Variants in MYT1L observed in about 807,000 individuals in gnomAD.
MYT1L encodes myelin transcription factor 1 like.
MYT1L carries 12 observed loss-of-function variants against 126.7 expected under a neutral mutation model. The ratio of observed to expected loss-of-function variants is 0.09; its 90% CI spans 0.06 to 0.15. The LOEUF (loss-of-function observed/expected upper bound fraction) is 0.15, where lower values mean the gene tolerates loss of function less well. Ranked by LOEUF, MYT1L falls within the 10% of genes least tolerant of loss-of-function variation. The probability of loss-of-function intolerance (pLI) is 1.00; values close to 1 mark genes in which losing one functional copy is unlikely to be tolerated. For synonymous variants in MYT1L, 541 were observed against 604.2 expected, an observed-to-expected ratio of 0.90 and a Z score of 1.53; for missense variants, 979 against 1,585.2, an observed-to-expected ratio of 0.62 and a Z score of 6.49.
In MYT1L at chr2:1,910,162, G is replaced by A. The variant is rs1013620457; in HGVS notation, c.1817+78C>T. 34 of 1,310,524 alleles carry A rather than the reference G, an allele frequency of 2.6e-5. No homozygotes were observed. In the African/African-American group the frequency reaches 3.9e-4, roughly 15 times the overall value. The allele number at this position is 1,310,524 out of a possible 1,614,324, so 81.2% of individuals were successfully genotyped here. The stretch of plus-strand genomic sequence containing the variant: ...CCCTGCTGCTGTAGGGACATGCCCT[G>A]AGCGGGTGTCCCCAGCGCTCCGAGG... On this transcript the variant is annotated intron_variant, in intron 13 of 24. Coordinates refer to ENST00000647738, the MANE Select transcript of MYT1L (RefSeq NM_001303052.2). The surrounding 1 kb of genome is among the most constrained non-coding windows in gnomAD (Gnocchi z 4.8).
At chr2:1,867,687 C>A (rs946833683) in intron 18 of MYT1L, among the ~76,000 whole-genome samples, 1 of 152,146 alleles carries the variant, frequency 6.6e-6, no homozygotes, top group Non-Finnish European at 1.5e-5. Flanking sequence ...GCTGCATATG[C>A]CTCTGTCTGC....
At chr2:2,294,517 G>A (rs1473118802) in intron 1 of MYT1L, among the ~76,000 whole-genome samples, 1 of 152,062 alleles carries the variant, frequency 6.6e-6, no homozygotes, top group East Asian at 1.9e-4. Flanking sequence ...CTCAGCTTAA[G>A]CCACTGAACA....
At chr2:1,930,538 G>C (rs1275852562) in intron 9 of MYT1L, among the ~76,000 whole-genome samples, 3 of 152,330 alleles carry the variant, frequency 2.0e-5, no homozygotes, top group Admixed American at 2.0e-4. Context: ...CAGATCCTCT[G>C]TGATGGCACA....
chr2:2,069,754 G>C (rs1170292481), intron 3 of MYT1L, among the ~76,000 whole-genome samples: 2 of 151,790 alleles, frequency 1.3e-5, no homozygotes, highest in Admixed American at 1.3e-4. Flanking sequence ...ACTTTTAAAT[G>C]ATCGCCATTC....
At chr2:2,064,808 T>G (rs2071010514) in intron 3 of MYT1L, among the ~76,000 whole-genome samples, 1 of 152,244 alleles carries the variant, frequency 6.6e-6, no homozygotes. Flanking sequence ...TTCAATGAAA[T>G]AACTTTTCCT....
intron 2 of MYT1L, among the ~76,000 whole-genome samples, chr2:2,220,201 G>A (rs73913264): frequency 1.6e-3 from 237 of 152,300 alleles, no homozygotes; most frequent in African/African-American, 4.5e-3. Context: ...CTGAGAACAT[G>A]TGCCCAAGGT....
At chr2:1,934,869 C>T (rs1276322996) in intron 9 of MYT1L, among the ~76,000 whole-genome samples, 1 of 152,112 alleles carries the variant, frequency 6.6e-6, no homozygotes, top group Non-Finnish European at 1.5e-5. Context: ...ACCCGGGGAG[C>T]AGAGATAAGA....
intron 4 of MYT1L, among the ~76,000 whole-genome samples, chr2:1,999,301 T>C (rs1383092703): frequency 6.6e-6 from 1 of 152,176 alleles, no homozygotes; most frequent in African/African-American, 2.4e-5. Flanking sequence ...GCTCCCTACA[T>C]ATGAATGTGA....
At chr2:2,150,223 G>A (rs947482198) in intron 3 of MYT1L, among the ~76,000 whole-genome samples, 1 of 152,134 alleles carries the variant, frequency 6.6e-6, no homozygotes, top group Non-Finnish European at 1.5e-5. Context: ...GATACCGTAA[G>A]GCTCTCTAAG....
chr2:2,054,419 T>C (rs2069219857), intron 3 of MYT1L, among the ~76,000 whole-genome samples: 1 of 149,556 alleles, frequency 6.7e-6, no homozygotes, highest in Non-Finnish European at 1.5e-5. Flanking sequence ...ATGGGGATGA[T>C]GAAGCACATG....
chr2:2,083,448 C>T (rs1053275053), intron 3 of MYT1L, among the ~76,000 whole-genome samples: 2 of 152,240 alleles, frequency 1.3e-5, no homozygotes, highest in African/African-American at 4.8e-5. Context: ...GGGACCAACA[C>T]AGGCCTGCAG....
At chr2:1,846,146 G>C (rs2042466736) in intron 19 of MYT1L, among the ~76,000 whole-genome samples, 1 of 152,206 alleles carries the variant, frequency 6.6e-6, no homozygotes, top group African/African-American at 2.4e-5. Flanking sequence ...GCGCCCTCCT[G>C]GAACCCATCT....
intron 3 of MYT1L, among the ~76,000 whole-genome samples, chr2:2,104,287 C>T (rs543837455): frequency 5.3e-5 from 8 of 152,324 alleles, no homozygotes; most frequent in African/African-American, 1.9e-4. Flanking sequence ...ACACATTTCA[C>T]AGAGGTGTTA....
chr2:1,789,591 G>T lies in MYT1L; in HGVS notation c.*2276C>A, dbSNP rs1227899249. ...CATTGTACATAGGTGATAACAATAA[G>T]AATCCAAAACTGATACTATCTAGTA... On this transcript the variant is annotated 3_prime_UTR_variant, in exon 25 of 25. Transcript: ENST00000647738. 1 of 152,186 alleles carries T rather than the reference G, an allele frequency of 6.6e-6. No individual in the cohort carries two copies. Among genetic ancestry groups the T allele is most frequent in the African/African-American group, 2.4e-5 (1 of 41,442 alleles). 9.4% of individuals were successfully genotyped at this position (152,186 alleles called of 1,614,324 possible). A position where few individuals can be genotyped will look rare whatever the true frequency, so the allele number is the denominator to read the frequency against.
chr2:2,326,447 G>A (rs1280220080), intron 1 of MYT1L: 16 of 152,194 alleles, frequency 1.1e-4, no homozygotes, highest in Admixed American at 1.0e-3. Context: ...CCTTCCCATC[G>A]AGCCCTGCTA....
At chr2:1,956,474 A>G (rs1253609781) in intron 8 of MYT1L, among the ~76,000 whole-genome samples, 1 of 136,154 alleles carries the variant, frequency 7.3e-6, no homozygotes, top group African/African-American at 2.8e-5. Context: ...TATATTTCCT[A>G]TTCTTTCTAT....
rs529941742 is a variant in MYT1L, at chr2:2,243,126, T to A, written c.-421+41278A>T. ...TGGAGAGAAGTACCAAGGGAGAGGC[T>A]GCCCTGAAGTTGGAAAACCAAAGGA... On this transcript the variant is annotated intron_variant, in intron 2 of 24. Coordinates refer to ENST00000647738, the MANE Select transcript of MYT1L (RefSeq NM_001303052.2). Among the ~76,000 whole-genome samples, 21 of 152,278 alleles carry A rather than the reference T, an allele frequency of 1.4e-4. No homozygotes were observed. The East Asian group carries it at 4.1e-3, about 29-fold the overall frequency.
chr2:2,289,739 T>C (rs1286823075), intron 1 of MYT1L, among the ~76,000 whole-genome samples: 1 of 152,206 alleles, frequency 6.6e-6, no homozygotes, highest in Non-Finnish European at 1.5e-5. Flanking sequence ...GGTGAGAGCA[T>C]GGCTGATACT....
At chr2:2,295,587 GACAGAC>G (rs2095664199) in intron 1 of MYT1L, among the ~76,000 whole-genome samples, 2 of 110,414 alleles carry the variant, frequency 1.8e-5, no homozygotes, top group African/African-American at 6.8e-5. Context: ...GAGAGAGACA[GACAGAC>G]AGAGAGAGAG....
Sources: gnomAD v4.1 joint callset for allele counts (sites outside exome capture counted in the v4.1 genomes callset) on GRCh38, gnomAD v4.1.1 for gene constraint, Gnocchi (gnomAD v3.1) non-coding constraint, MANE v1.5 for transcripts, NCBI Gene and HGNC (gene_info 2026-07-23, HGNC 2026-07-21) for gene names.